CTTN: variants seen among roughly 807,000 people sequenced by gnomAD.
CTTN encodes the protein src substrate cortactin.
CTTN carries 28 observed loss-of-function variants against 84.0 expected under a neutral mutation model. The ratio of observed to expected loss-of-function variants is 0.33; its 90% CI spans 0.25 to 0.46. The LOEUF is 0.46. Ranked by LOEUF, CTTN falls within the 20% of genes least tolerant of loss-of-function variation. The probability of loss-of-function intolerance (pLI) is 1.00; values close to 1 mark genes in which losing one functional copy is unlikely to be tolerated. For missense variants in CTTN, 641 were observed against 723.8 expected (o/e 0.89, Z 1.31); for synonymous variants, 301 against 288.8 (o/e 1.04, Z -0.43).
chr11:70,405,070 T>C (rs1429521786), intron 1 of CTTN, among the ~76,000 whole-genome samples, 195 bp from the exon 2 acceptor site: 2 of 152,262 alleles, frequency 1.3e-5, no homozygotes, highest in African/African-American at 4.8e-5. Context: ...CTTATTTCTT[T>C]AGTTTCTCTC....
At position 70,422,890 on chromosome 11, in the gene CTTN, C is replaced by A. The variant is rs761522121; in HGVS notation, c.902-50C>A. On this transcript the variant is annotated intron_variant, in intron 11 of 17. Coordinates refer to ENST00000301843, the MANE Select transcript of CTTN (RefSeq NM_005231.4). Reference sequence around the variant, plus strand: ...TGTCTGCATGCACCCACGGCCACCCCCATGCTCGCCTCCACCTCAGAGTAA... The same window carrying A: ...TGTCTGCATGCACCCACGGCCACCCACATGCTCGCCTCCACCTCAGAGTAA... 16 of 1,613,454 alleles carry A rather than the reference C, an allele frequency of 9.9e-6. No homozygotes were observed. In the African/African-American group the frequency reaches 2.1e-4, roughly 22 times the overall value.
chr11:70,407,657 C>A, intron 4 of CTTN, 66 bp downstream of exon 4: 2 of 1,469,180 alleles, frequency 1.4e-6, no homozygotes, highest in Non-Finnish European at 9.4e-7. Context: ...TGCAACAGGG[C>A]CCATGGTCAT....
At chr11:70,408,714 A>G (rs1335089929) in intron 4 of CTTN, among the ~76,000 whole-genome samples, 1 of 152,006 alleles carries the variant, frequency 6.6e-6, no homozygotes, top group Non-Finnish European at 1.5e-5. Flanking sequence ...GTGGCTTTTT[A>G]TACACAAGTT....
At chr11:70,419,634 G>C in intron 8 of CTTN, 112 bp from the exon 9 acceptor site, 1 of 758,160 alleles carries the variant, frequency 1.3e-6, no homozygotes, top group Non-Finnish European at 2.2e-6. Flanking sequence ...TTATTCAGTG[G>C]TCCTACAGTG....
At chr11:70,419,670 A>T in intron 8 of CTTN, 76 bp from the exon 9 acceptor site, 2 of 1,294,976 alleles carry the variant, frequency 1.5e-6, no homozygotes, top group Admixed American at 4.6e-5. Flanking sequence ...TGTTTTTTTA[A>T]TCAAAGGATA....
At chr11:70,429,291 T>G in intron 14 of CTTN, 92 bp downstream of exon 14, 1 of 1,434,336 alleles carries the variant, frequency 7.0e-7, no homozygotes, top group Non-Finnish European at 9.5e-7. Context: ...GCTTATTCTC[T>G]CCTGGCCAGG....
In CTTN at chr11:70,421,458, G is replaced by A. The variant is rs777505923; in HGVS notation, c.791-12G>A. 2.0e-5 allele frequency: 32 copies of A among 1,589,674 alleles called. No homozygotes were observed. In the Admixed American group the frequency reaches 4.7e-4, roughly 23 times the overall value. On this transcript the variant is annotated splice_polypyrimidine_tract_variant and intron_variant, in intron 10 of 17. Coordinates refer to ENST00000301843, the MANE Select transcript of CTTN (RefSeq NM_005231.4). Reference sequence around the variant, plus strand: ...TTGGTTGTTTTCCCCACCGTTGCTTGTGGATTTTCAGATTATAAGACTGGT... The same window carrying A: ...TTGGTTGTTTTCCCCACCGTTGCTTATGGATTTTCAGATTATAAGACTGGT...
chr11:70,436,446 C>T lies in CTTN; in HGVS notation c.*1284C>T. ...CTCCTGAGGTGCATTTTCTCATCAT[C>T]CTTGCTTTACCACAATGAGCAATGA... On this transcript the variant is annotated 3_prime_UTR_variant, in exon 18 of 18. Transcript: ENST00000301843. 3 of 1,578,026 alleles carry T rather than the reference C, an allele frequency of 1.9e-6. No homozygotes were observed. Among genetic ancestry groups the T allele is most frequent in the Non-Finnish European group, 2.6e-6 (3 of 1,163,090 alleles).
At position 70,435,157 on chromosome 11, in the gene CTTN, C is replaced by G; in HGVS notation, c.1648C>G (p.Gln550Glu). The change falls in exon 18 of 18, where the codon CAG becomes GAG. Residue 550 changes from glutamine to glutamate, a missense_variant. Physicochemically the swap from Gln to Glu is conservative, Grantham distance 29. Transcript: ENST00000301843. Reference protein sequence around the residue: ...LFPANYVELRQ With the variant: ...LFPANYVELRE Reference sequence around the variant, plus strand: ...CCCAGCCAACTATGTGGAGCTGCGGCAGTAGGGCCCCCAGCCCCCCCCCGG... The same window carrying G: ...CCCAGCCAACTATGTGGAGCTGCGGGAGTAGGGCCCCCAGCCCCCCCCCGG... 1 of 1,607,676 alleles carries G rather than the reference C, an allele frequency of 6.2e-7. No homozygotes were observed.
chr11:70,431,793 C>T lies in CTTN; in HGVS notation c.1266+513C>T, dbSNP rs190647109. Among the ~76,000 whole-genome samples the T allele has an allele frequency of 3.3e-5, 5 of 152,220 alleles. No individual in the cohort carries two copies. The East Asian group carries it at 9.7e-4, about 29-fold the overall frequency. The stretch of plus-strand genomic sequence containing the variant: ...CCTCCCTGTGCTGCTGACCCCCTCT[C>T]ATGGGTCCCCCAGTGTTCCGTCCCC... On this transcript the variant is annotated intron_variant, in intron 15 of 17. Coordinates refer to ENST00000301843, the MANE Select transcript of CTTN (RefSeq NM_005231.4).
intron 12 of CTTN, among the ~76,000 whole-genome samples, chr11:70,423,289 C>T (rs1317134147): frequency 2.6e-5 from 4 of 152,144 alleles, no homozygotes; most frequent in Non-Finnish European, 2.9e-5. Flanking sequence ...GTGAGAGCCT[C>T]GAGGGCTCAT....
intron 2 of CTTN, 95 bp from the exon 3 acceptor site, chr11:70,407,203 C>T (rs2058049079): frequency 5.9e-6 from 6 of 1,009,328 alleles, no homozygotes; most frequent in Non-Finnish European, 9.0e-6. Flanking sequence ...CCTGGGTTGC[C>T]TAGAATCTCG....
chr11:70,433,362 G>A (rs2058377826), intron 16 of CTTN, 84 bp downstream of exon 16: 1 of 1,383,418 alleles, frequency 7.2e-7, no homozygotes, highest in African/African-American at 1.5e-5. Context: ...TCGTTGCGAG[G>A]AGCGTGGGTT....
Position 70,419,833 on chromosome 11 carries a change from C to T in CTTN, c.656C>T (p.Thr219Met), listed in dbSNP as rs373870325. The T allele has an allele frequency of 2.1e-5, 34 of 1,613,080 alleles. No homozygotes were observed. In the African/African-American group the frequency reaches 2.4e-4, roughly 11 times the overall value. ...GTTGGCTTTGAGTATCAAGGCAAAA[C>T]GGAGAAGCACGAGTCCCAGAAAGGT... Reference protein sequence around the residue: ...SAVGFEYQGKTEKHESQKDYV... With the variant: ...SAVGFEYQGKMEKHESQKDYV... Residue 219 changes from threonine to methionine, a missense_variant, in exon 9 of 18, where the codon ACG (threonine) becomes ATG (methionine). Coordinates refer to ENST00000301843, the MANE Select transcript of CTTN (RefSeq NM_005231.4).
At chr11:70,425,019 C>G (rs2058285253) in intron 12 of CTTN, among the ~76,000 whole-genome samples, 1 of 152,172 alleles carries the variant, frequency 6.6e-6, no homozygotes, top group African/African-American at 2.4e-5. Flanking sequence ...CCTGTAAATG[C>G]TCACACCTCT....
intron 5 of CTTN, among the ~76,000 whole-genome samples, chr11:70,410,614 AG>A (rs1254215130): frequency 2.0e-5 from 3 of 152,204 alleles, no homozygotes; most frequent in Non-Finnish European, 2.9e-5. Flanking sequence ...ACCTTAAGAA[AG>A]GGAGCCACGT....
intron 7 of CTTN, chr11:70,416,040 A>G (rs906814163): frequency 1.6e-5 from 5 of 319,664 alleles, no homozygotes; most frequent in Admixed American, 1.4e-4. Flanking sequence ...CTCCTCCTGG[A>G]AAAGAGAGCT....
intron 5 of CTTN, among the ~76,000 whole-genome samples, chr11:70,412,156 G>A (rs187167909): frequency 3.9e-5 from 6 of 152,308 alleles, no homozygotes; most frequent in East Asian, 3.9e-4. Context: ...GGCCAGGTAC[G>A]GGACTGGCAC....
chr11:70,405,633 T>G (rs2058033360), intron 2 of CTTN, among the ~76,000 whole-genome samples: 1 of 150,284 alleles, frequency 6.7e-6, no homozygotes. Context: ...CCCCACCCCA[T>G]GAACATGGGT....
Sources: gnomAD v4.1 joint callset for allele counts (sites outside exome capture counted in the v4.1 genomes callset) on GRCh38, gnomAD v4.1.1 for gene constraint, MANE v1.5 for transcripts, NCBI Gene and HGNC (gene_info 2026-07-23, HGNC 2026-07-21) for gene names.